Variants in TNS1 observed in about 807,000 individuals in gnomAD.
TNS1 encodes tensin-1.
Under a neutral mutation model 168.6 loss-of-function variants are expected in TNS1, and 62 were observed. The ratio of observed to expected loss-of-function variants is 0.37; its 90% CI spans 0.30 to 0.45. TNS1 has a LOEUF of 0.45. TNS1 is among the 20% of genes least tolerant of loss of function. The pLI is 1.00. For synonymous variants in TNS1, 934 were observed against 933.2 expected, an observed-to-expected ratio of 1.00 and a Z score of -0.02; for missense variants, 2,240 against 2,339.4, an observed-to-expected ratio of 0.96 and a Z score of 0.88.
At chr2:218,029,061 A>G (rs6436023) in intron 1 of TNS1, among the ~76,000 whole-genome samples, 84,534 of 152,078 alleles carry the variant, frequency 0.56, 25,539 homozygotes, top group African/African-American at 0.78. Flanking sequence ...TAGAGGGTGC[A>G]GCCCTATCTT....
chr2:217,920,349 C>T, intron 3 of TNS1, 113 bp from the exon 4 acceptor site: 6 of 685,232 alleles, frequency 8.8e-6, no homozygotes, highest in South Asian at 7.7e-5. Flanking sequence ...CACGGGCTGA[C>T]ACCTTCTGGG....
intron 2 of TNS1, among the ~76,000 whole-genome samples, chr2:217,982,400 CTTTTT>C (rs59697675): frequency 2.4e-4 from 33 of 136,070 alleles, no homozygotes; most frequent in Admixed American, 5.1e-4. Flanking sequence ...TTCTTCTTTT[CTTTTT>C]TTTTTTTTTT....
intron 3 of TNS1, among the ~76,000 whole-genome samples, chr2:217,941,100 C>T (rs59558588): frequency 1.3e-5 from 2 of 152,358 alleles, no homozygotes; most frequent in Admixed American, 6.5e-5. Context: ...AACTGAGGCT[C>T]ATATGAGACC....
At chr2:217,864,584 G>C (rs1397320967) in intron 18 of TNS1, among the ~76,000 whole-genome samples, 1 of 152,188 alleles carries the variant, frequency 6.6e-6, no homozygotes, top group Admixed American at 6.5e-5. Context: ...AAGGAGTGGA[G>C]AGTGACAATA....
At chr2:217,888,166 C>T (rs907283791) in intron 12 of TNS1, among the ~76,000 whole-genome samples, 6 of 152,206 alleles carry the variant, frequency 3.9e-5, no homozygotes, top group Non-Finnish European at 7.3e-5. Context: ...CCTGGAATAG[C>T]GGTTCCTATC....
At chr2:217,895,571 C>T (rs191689538) in intron 8 of TNS1, among the ~76,000 whole-genome samples, 1 of 152,282 alleles carries the variant, frequency 6.6e-6, no homozygotes, top group East Asian at 1.9e-4. Context: ...ATACCTTGAC[C>T]CTAGAACCTC....
intron 3 of TNS1, among the ~76,000 whole-genome samples, chr2:217,974,856 G>A (rs747113851): frequency 6.6e-6 from 1 of 150,936 alleles, no homozygotes; most frequent in Non-Finnish European, 1.5e-5. Context: ...GCATTGCCCT[G>A]TCTCTGGGCA....
At chr2:218,011,352 G>A (rs897074020), upstream of TNS1, among the ~76,000 whole-genome samples, 7 of 152,180 alleles carry the variant, frequency 4.6e-5, no homozygotes, top group Non-Finnish European at 1.0e-4. Context: ...GGCAGAGAGT[G>A]CGGAGAGCTG....
At chr2:217,983,186 T>C (rs1163187497) in intron 2 of TNS1, among the ~76,000 whole-genome samples, 1 of 152,194 alleles carries the variant, frequency 6.6e-6, no homozygotes, top group African/African-American at 2.4e-5. Context: ...ATCAGAAGGA[T>C]GGGGACATGC....
At chr2:217,860,299 C>T (rs535325519) in intron 18 of TNS1, among the ~76,000 whole-genome samples, 80 of 152,270 alleles carry the variant, frequency 5.3e-4, no homozygotes, top group Non-Finnish European at 1.0e-3. Flanking sequence ...AAAAATGGTA[C>T]CCAGTGCCCT....
At chr2:217,919,327 A>G (rs3791916) in intron 4 of TNS1, among the ~76,000 whole-genome samples, 31,493 of 152,144 alleles carry the variant, frequency 0.21, 6,189 homozygotes, top group African/African-American at 0.51. Context: ...CAGGACAGCC[A>G]CGCCCCGCCC....
rs1222472651 is a variant in TNS1 at position 217,986,704 on chromosome 2, T to A, written c.148+4238A>T. The stretch of plus-strand genomic sequence containing the variant: ...TGCTGAAGCCTGACAAGAACATCTC[T>A]ACTGAGTCAGAAACGGCCCTCCACA... On this transcript the variant is annotated intron_variant, in intron 2 of 32. Coordinates refer to ENST00000682258, the MANE Select transcript of TNS1 (RefSeq NM_001387777.1). This position sits in a 1 kb window ranked among gnomAD's most constrained non-coding sequence, Gnocchi z 4.7. 1 of 152,194 alleles carries A rather than the reference T, an allele frequency of 6.6e-6. No homozygotes were observed. The highest frequency in any genetic ancestry group is 1.5e-5 in the Non-Finnish European group (1 of 68,426). 9.4% of individuals were successfully genotyped at this position (152,194 alleles called of 1,614,324 possible).
intron 2 of TNS1, among the ~76,000 whole-genome samples, chr2:217,980,506 CAGAGAGAG>C (rs3842558): frequency 0.07 from 8,181 of 117,504 alleles, 483 homozygotes; most frequent in African/African-American, 0.22. Flanking sequence ...TACACACACA[CAGAGAGAG>C]AGAGAGAGAG....
intron 13 of TNS1, 31 bp downstream of exon 13, chr2:217,886,503 G>C (rs765850626): frequency 1.3e-6 from 2 of 1,518,724 alleles, no homozygotes; most frequent in African/African-American, 1.4e-5. Context: ...GAGTTGGCAA[G>C]GGTGGAGGTC....
chr2:217,952,316 G>T (rs535704115), intron 3 of TNS1, among the ~76,000 whole-genome samples: 37 of 152,346 alleles, frequency 2.4e-4, no homozygotes, highest in African/African-American at 7.5e-4. Flanking sequence ...GAAGCCACTT[G>T]TCCAAAGTCA....
At chr2:217,899,624 G>A (rs1052000513) in intron 7 of TNS1, among the ~76,000 whole-genome samples, 20 of 152,352 alleles carry the variant, frequency 1.3e-4, no homozygotes, top group South Asian at 1.0e-3. Flanking sequence ...AAGAGGGGCC[G>A]TGCTGGTGAG....
chr2:218,014,858 GGGAA>G (rs1280990477), upstream of TNS1, among the ~76,000 whole-genome samples: 2 of 136,082 alleles, frequency 1.5e-5, no homozygotes, highest in African/African-American at 2.8e-5. Flanking sequence ...GATTGCAGGA[GGGAA>G]GGAAGGACGG....
rs1316059585 is a variant in TNS1, at chr2:217,880,882, A to T, written c.1429+16T>A. ...GCAGTTTGGATAGGGGCTGGGAGCC[A>T]CTAGGTCCCACCTACCCTCCATGCC... On this transcript the variant is annotated intron_variant, in intron 18 of 32. Coordinates refer to ENST00000682258, the MANE Select transcript of TNS1 (RefSeq NM_001387777.1). The surrounding 1 kb of genome is among the most constrained non-coding windows in gnomAD (Gnocchi z 4.2). 6.3e-7 allele frequency: 1 copy of T among 1,595,786 alleles called. No individual in the cohort carries two copies. Among genetic ancestry groups the T allele is most frequent in the African/African-American group, 1.3e-5 (1 of 74,672 alleles).
chr2:217,812,511 CTACCCT>C, intron 27 of TNS1, 66 bp from the exon 28 acceptor site: 12 of 1,332,068 alleles, frequency 9.0e-6, no homozygotes, highest in African/African-American at 1.4e-5. Flanking sequence ...ACCTCCACCT[CTACCCT>C]TACACCGATA....
Sources: gnomAD v4.1 joint callset for allele counts (sites outside exome capture counted in the v4.1 genomes callset) on GRCh38, gnomAD v4.1.1 for gene constraint, Gnocchi (gnomAD v3.1) non-coding constraint, MANE v1.5 for transcripts, NCBI Gene and HGNC (gene_info 2026-07-23, HGNC 2026-07-21) for gene names.